Variants in CYP2C8 observed in about 807,000 individuals in gnomAD.
CYP2C8 encodes cytochrome P450 2C8.
A neutral mutation model predicts 41.3 loss-of-function variants in CYP2C8; 51 were observed. That is an observed-to-expected ratio of 1.24 (90% CI 0.99 to 1.56). The LOEUF (loss-of-function observed/expected upper bound fraction) is 1.56. Ranked by LOEUF, CYP2C8 falls within the 40% of genes most tolerant of loss-of-function variation. The pLI, the probability that CYP2C8 is intolerant of heterozygous loss-of-function variation, is 0.00. For synonymous variants in CYP2C8, 218 were observed against 205.8 expected, an observed-to-expected ratio of 1.06 and a Z score of -0.51; for missense variants, 651 against 579.9, an observed-to-expected ratio of 1.12 and a Z score of -1.26.
At chr10:95,066,510 A>G (rs1247161103) in intron 3 of CYP2C8, among the ~76,000 whole-genome samples, 10 of 152,220 alleles carry the variant, frequency 6.6e-5, no homozygotes. Context: ...GCTGAGTTAT[A>G]CTATAGATTA....
chr10:95,059,978 G>C (rs190396447), intron 4 of CYP2C8, among the ~76,000 whole-genome samples: 1 of 151,932 alleles, frequency 6.6e-6, no homozygotes, highest in African/African-American at 2.4e-5. Context: ...ATTTCTGAGG[G>C]CTCTGTTTTG....
chr10:95,040,459 TTTA>T lies in CYP2C8; in HGVS notation c.1150-1424_1150-1422del, dbSNP rs1227352333. 1.6e-4 allele frequency among the ~76,000 whole-genome samples: 25 copies of T among 152,340 alleles called. 2 individuals carry two copies. Among genetic ancestry groups the T allele is most frequent in the African/African-American group, 5.5e-4 (23 of 41,570 alleles). ...TGTTTTCCTTCATGAAGATATAACC[TTTA>T]TTATTTTTAATTGAAAAATAATAAG... is the stretch of plus-strand genomic sequence containing the variant. On this transcript the variant is annotated intron_variant, in intron 7 of 8. Coordinates refer to ENST00000371270, the MANE Select transcript of CYP2C8 (RefSeq NM_000770.3).
At chr10:95,043,889 T>C (rs74477857) in intron 6 of CYP2C8, among the ~76,000 whole-genome samples, 5 of 128,586 alleles carry the variant, frequency 3.9e-5, no homozygotes, top group Non-Finnish European at 6.8e-5. Context: ...CACACACACA[T>C]ATACACACAT....
intron 5 of CYP2C8, among the ~76,000 whole-genome samples, chr10:95,051,154 A>G (rs936035231): frequency 6.6e-6 from 1 of 152,178 alleles, no homozygotes; most frequent in African/African-American, 2.4e-5. Flanking sequence ...GACTGAAATA[A>G]TTTACAAGAG....
In CYP2C8 at chr10:95,062,865, A is replaced by C. The variant is rs938748290; in HGVS notation, c.642+1935T>G. ...ACAAAATCTCTCAGCATTTGCTTGT[A>C]TGTAAAGGATTTTATTTCTCCTTCA... On this transcript the variant is annotated intron_variant, in intron 4 of 8. Coordinates refer to ENST00000371270, the MANE Select transcript of CYP2C8 (RefSeq NM_000770.3). Among the ~76,000 whole-genome samples the C allele has an allele frequency of 3.5e-4, 54 of 152,186 alleles. No individual in the cohort carries two copies. In the East Asian group the frequency reaches 8.5e-3, roughly 24 times the overall value.
chr10:95,068,460 A>G, intron 1 of CYP2C8: 1 of 539,684 alleles, frequency 1.9e-6, no homozygotes, highest in Non-Finnish European at 3.1e-6. Flanking sequence ...TTTGCCCTGA[A>G]CCCACAGATA....
At chr10:95,041,094 C>A in intron 7 of CYP2C8, 1 of 391,112 alleles carries the variant, frequency 2.6e-6, no homozygotes, top group Non-Finnish European at 5.1e-6. Flanking sequence ...GGATGTGAGG[C>A]CAGTATATAC....
At chr10:95,058,594 T>C (rs2033358880) in intron 4 of CYP2C8, 83 bp from the exon 5 acceptor site, 1 of 1,222,666 alleles carries the variant, frequency 8.2e-7, no homozygotes, top group Non-Finnish European at 1.2e-6. Context: ...ATTATAACTA[T>C]AAATATGAAT....
chr10:95,048,966 A>G (rs1418566688), intron 5 of CYP2C8, among the ~76,000 whole-genome samples: 1 of 152,182 alleles, frequency 6.6e-6, no homozygotes, highest in Non-Finnish European at 1.5e-5. Flanking sequence ...ACAGTTGACA[A>G]TGGGACCTAA....
intron 4 of CYP2C8, among the ~76,000 whole-genome samples, chr10:95,059,052 A>T (rs1041067698): frequency 6.6e-6 from 1 of 152,108 alleles, no homozygotes; most frequent in Non-Finnish European, 1.5e-5. Flanking sequence ...ATTGTTGCAC[A>T]TTTGGCTTGG....
chr10:95,064,035 C>A (rs886403607), intron 4 of CYP2C8, among the ~76,000 whole-genome samples: 1 of 152,148 alleles, frequency 6.6e-6, no homozygotes, highest in Non-Finnish European at 1.5e-5. Flanking sequence ...GTCAGTCTGC[C>A]CCTACTAGGG....
chr10:95,066,475 T>C (rs573659889), intron 3 of CYP2C8, among the ~76,000 whole-genome samples: 63 of 152,276 alleles, frequency 4.1e-4, no homozygotes, highest in African/African-American at 1.4e-3. Flanking sequence ...AAACAAATTA[T>C]TTACAAATTA....
Position 95,043,028 on chromosome 10 carries a change from G to A in CYP2C8, c.1011C>T (p.Pro337=). 1.2e-6 allele frequency: 2 copies of A among 1,614,210 alleles called. No homozygotes were observed. Among genetic ancestry groups the A allele is most frequent in the African/African-American group, 1.3e-5 (1 of 75,062 alleles). Residue 337 remains proline (P), a synonymous_variant, in exon 7 of 9, where the codon CCC becomes CCT. Coordinates refer to ENST00000371270, the MANE Select transcript of CYP2C8 (RefSeq NM_000770.3). The stretch of plus-strand genomic sequence containing the variant: ...GCATGTGGCTCCTATCCTGCATGCA[G>A]GGGCTCCTGTGTCTGCCAATTACAT... ...IDHVIGRHRS[P]CMQDRSHMPY...
chr10:95,052,416 T>G (rs1343566191), intron 5 of CYP2C8, among the ~76,000 whole-genome samples: 1 of 151,814 alleles, frequency 6.6e-6, no homozygotes, highest in Non-Finnish European at 1.5e-5. Context: ...TTCCACAAAA[T>G]AGTGAAGGAG....
At position 95,069,447 on chromosome 10, in the gene CYP2C8, A is replaced by G. The variant is rs769644342; in HGVS notation, c.-45T>C. 3.3e-6 allele frequency: 5 copies of G among 1,536,804 alleles called. No individual in the cohort carries two copies. In the East Asian group the frequency reaches 9.0e-5, roughly 28 times the overall value. Reference sequence around the variant, plus strand: ...TAAGACAGCTGTGAGCTTGCACTCCAAAGTTTTTATAACACTCCCTGCTAA... The same window carrying G: ...TAAGACAGCTGTGAGCTTGCACTCCGAAGTTTTTATAACACTCCCTGCTAA... On this transcript the variant is annotated 5_prime_UTR_variant, in exon 1 of 9. Coordinates refer to ENST00000371270, the MANE Select transcript of CYP2C8 (RefSeq NM_000770.3).
At chr10:95,056,154 G>A (rs1248047563) in intron 5 of CYP2C8, among the ~76,000 whole-genome samples, 3 of 151,940 alleles carry the variant, frequency 2.0e-5, no homozygotes, top group African/African-American at 7.3e-5. Context: ...TTTCTCTAAA[G>A]AACATGTAAA....
chr10:95,065,546 G>T (rs1354377143), intron 3 of CYP2C8, among the ~76,000 whole-genome samples: 1 of 152,248 alleles, frequency 6.6e-6, no homozygotes, highest in Middle Eastern at 3.4e-3. Flanking sequence ...TAAGTAAAAT[G>T]CTAACTTTTT....
At chr10:95,068,741 G>A (rs997018487) in intron 1 of CYP2C8, 30 of 614,802 alleles carry the variant, frequency 4.9e-5, no homozygotes, top group East Asian at 1.3e-4. Flanking sequence ...AACTCACTCC[G>A]CTATTTCTGA....
intron 6 of CYP2C8, among the ~76,000 whole-genome samples, chr10:95,043,879 C>CATACAT (rs68119919): frequency 2.0e-5 from 3 of 151,752 alleles, no homozygotes; most frequent in African/African-American, 7.3e-5. Flanking sequence ...CACACACACA[C>CATACAT]ACACACACAT....
Sources: gnomAD v4.1 joint callset for allele counts (sites outside exome capture counted in the v4.1 genomes callset) on GRCh38, gnomAD v4.1.1 for gene constraint, MANE v1.5 for transcripts, NCBI Gene and HGNC (gene_info 2026-07-23, HGNC 2026-07-21) for gene names.